The following MACROD2 variants were observed in gnomAD, a reference collection of about 807,000 sequenced individuals.
The protein encoded by MACROD2 is ADP-ribose glycohydrolase MACROD2.
MACROD2 carries 36 observed loss-of-function variants against 70.4 expected under a neutral mutation model. The ratio of observed to expected loss-of-function variants is 0.51; its 90% CI spans 0.39 to 0.68. The LOEUF (loss-of-function observed/expected upper bound fraction) is 0.68. Among genes scored for constraint, MACROD2 ranks in the 30% least tolerant of loss-of-function variants. The pLI is 0.00. For missense variants in MACROD2, 496 were observed against 538.4 expected, an observed-to-expected ratio of 0.92 and a Z score of 0.78; for synonymous variants, 172 against 178.8, an observed-to-expected ratio of 0.96 and a Z score of 0.30.
In MACROD2 at chr20:14,455,356, A is replaced by G. The variant is rs1052486547; in HGVS notation, c.272-38123A>G. ...ATTCTTATTTTATGTATTAAAAACT[A>G]ATTTGTAGCAGGAGATCCTGAAACC... On this transcript the variant is annotated intron_variant, in intron 3 of 17. Coordinates refer to ENST00000684519, the MANE Select transcript of MACROD2 (RefSeq NM_001351661.2). Among the ~76,000 whole-genome samples the G allele has an allele frequency of 1.4e-4, 21 of 152,030 alleles. 1 individual carries two copies. The highest frequency in any genetic ancestry group is 5.1e-4 in the African/African-American group (21 of 41,280).
At chr20:14,476,440 C>G (rs1292977160) in intron 3 of MACROD2, among the ~76,000 whole-genome samples, 2 of 152,196 alleles carry the variant, frequency 1.3e-5, no homozygotes, top group African/African-American at 4.8e-5. Flanking sequence ...ATTGCAACCT[C>G]TGCTTCCCAG....
intron 5 of MACROD2, among the ~76,000 whole-genome samples, chr20:15,088,026 C>T (rs2075761616): frequency 6.6e-6 from 1 of 151,680 alleles, no homozygotes; most frequent in African/African-American, 2.4e-5. Context: ...TGCCAGGTAA[C>T]ATGTAGGGAA....
At chr20:14,212,027 A>G (rs1331710891) in intron 3 of MACROD2, among the ~76,000 whole-genome samples, 1 of 152,212 alleles carries the variant, frequency 6.6e-6, no homozygotes, top group Non-Finnish European at 1.5e-5. Context: ...TGAAATATTT[A>G]CTAAATTACT....
At chr20:15,641,074 C>A (rs1412193496) in intron 8 of MACROD2, among the ~76,000 whole-genome samples, 1 of 152,204 alleles carries the variant, frequency 6.6e-6, no homozygotes, top group East Asian at 1.9e-4. Flanking sequence ...CTAGCCAGAG[C>A]AGGTATATTG....
chr20:14,046,958 T>C (rs1318699206), intron 2 of MACROD2, among the ~76,000 whole-genome samples: 1 of 152,084 alleles, frequency 6.6e-6, no homozygotes, highest in Non-Finnish European at 1.5e-5. Flanking sequence ...TATATCTATC[T>C]AAGGATCTTG....
chr20:14,825,106 A>G (rs905852636), intron 5 of MACROD2, among the ~76,000 whole-genome samples: 13 of 152,088 alleles, frequency 8.5e-5, no homozygotes, highest in African/African-American at 2.9e-4. Flanking sequence ...TCACTGCTGC[A>G]GGCACGTCTG....
intron 5 of MACROD2, among the ~76,000 whole-genome samples, chr20:15,126,265 AG>A (rs1227808721): frequency 1.3e-5 from 2 of 151,936 alleles, no homozygotes; most frequent in East Asian, 3.9e-4. Context: ...TAATTTTACA[AG>A]GAACCACTAA....
rs564951348 is a variant in MACROD2, at chr20:14,784,679, G to T, written c.418+99720G>T. Among the ~76,000 whole-genome samples, 497 of 131,208 alleles carry T rather than the reference G, an allele frequency of 3.8e-3. 26 individuals are homozygous for T. The highest frequency in any genetic ancestry group is 0.012 in the African/African-American group (430 of 36,454). 86.1% of individuals were successfully genotyped at this position (131,208 alleles called of 152,430 possible). A position where few individuals can be genotyped will look rare whatever the true frequency, so the allele number is the denominator to read the frequency against. Reference sequence around the variant, plus strand: ...GATGGTGTTTTAAGTGGGGGGGGGGGGGCACCAGATTCAGTTACCTGGATA... The same window carrying T: ...GATGGTGTTTTAAGTGGGGGGGGGGTGGCACCAGATTCAGTTACCTGGATA... On this transcript the variant is annotated intron_variant, in intron 5 of 17. Coordinates refer to ENST00000684519, the MANE Select transcript of MACROD2 (RefSeq NM_001351661.2).
intron 2 of MACROD2, among the ~76,000 whole-genome samples, chr20:14,055,496 A>G (rs2053621532): frequency 7.1e-6 from 1 of 141,576 alleles, no homozygotes; most frequent in Admixed American, 7.4e-5. Context: ...AAAGATCAGA[A>G]GTTTCAGGAG....
chr20:15,285,043 A>G (rs2077478429), intron 6 of MACROD2, among the ~76,000 whole-genome samples: 1 of 150,340 alleles, frequency 6.7e-6, no homozygotes, highest in Non-Finnish European at 1.5e-5. Context: ...TTTTATGACT[A>G]ATGTTAAGAA....
intron 3 of MACROD2, among the ~76,000 whole-genome samples, chr20:14,107,930 T>A (rs371785739): frequency 2.6e-5 from 4 of 152,106 alleles, no homozygotes; most frequent in Non-Finnish European, 5.9e-5. Flanking sequence ...TAATAAATTA[T>A]CTGAAGGTAC....
chr20:14,595,342 A>G (rs1013204010), intron 4 of MACROD2, among the ~76,000 whole-genome samples: 4 of 152,162 alleles, frequency 2.6e-5, no homozygotes, highest in Admixed American at 2.6e-4. Context: ...CTGCTAGTGC[A>G]CTTCCTGCCT....
At chr20:15,462,804 A>T (rs1422377939) in intron 7 of MACROD2, among the ~76,000 whole-genome samples, 2 of 152,172 alleles carry the variant, frequency 1.3e-5, no homozygotes, top group Admixed American at 6.5e-5. Flanking sequence ...TGTGGGAACT[A>T]TAATTGCCAC....
chr20:15,665,330 C>T (rs1433792000), intron 8 of MACROD2, among the ~76,000 whole-genome samples: 7 of 152,078 alleles, frequency 4.6e-5, no homozygotes, highest in African/African-American at 7.2e-5. Context: ...ATATTGTAGT[C>T]GGTACCTTGG....
intron 6 of MACROD2, among the ~76,000 whole-genome samples, chr20:15,254,732 CTTTT>C (rs1297490067): frequency 6.6e-6 from 1 of 152,024 alleles, no homozygotes; most frequent in Non-Finnish European, 1.5e-5. Context: ...CTATGATTAT[CTTTT>C]TTGTTTGTCT....
intron 8 of MACROD2, among the ~76,000 whole-genome samples, chr20:15,529,409 C>T (rs145028632): frequency 2.1e-4 from 32 of 151,824 alleles, no homozygotes; most frequent in African/African-American, 7.7e-4. Context: ...TTACATTGAA[C>T]CTATACTATA....
At chr20:15,511,708 C>T (rs531913459) in intron 8 of MACROD2, among the ~76,000 whole-genome samples, 126 of 152,326 alleles carry the variant, frequency 8.3e-4, no homozygotes, top group Middle Eastern at 3.4e-3. Context: ...GGCTGGGCGG[C>T]TTCTTCTGCC....
At chr20:15,851,589 A>G (rs577061474) in intron 8 of MACROD2, among the ~76,000 whole-genome samples, 45 of 152,246 alleles carry the variant, frequency 3.0e-4, no homozygotes, top group Non-Finnish European at 6.3e-4. Context: ...TACTTCTTTC[A>G]AAACTCTGTC....
chr20:14,304,652 T>C (rs919826342), intron 3 of MACROD2, among the ~76,000 whole-genome samples: 19 of 152,224 alleles, frequency 1.2e-4, no homozygotes, highest in Non-Finnish European at 2.4e-4. Context: ...TTTTAAGTAC[T>C]CTTATCTCTG....
Sources: gnomAD v4.1 joint callset for allele counts (sites outside exome capture counted in the v4.1 genomes callset) on GRCh38, gnomAD v4.1.1 for gene constraint, MANE v1.5 for transcripts, NCBI Gene and HGNC (gene_info 2026-07-23, HGNC 2026-07-21) for gene names.